The following NAV3 variants were observed in gnomAD, a reference collection of about 807,000 sequenced individuals.
The protein encoded by NAV3 is neuron navigator 3, also known as pore membrane and/or filament interacting like protein 1.
In NAV3, 87 loss-of-function variants were observed where a neutral mutation model predicts 244.7. That is an observed-to-expected ratio of 0.36 (90% CI 0.30 to 0.42). The LOEUF (loss-of-function observed/expected upper bound fraction) is 0.42, where lower values mean the gene tolerates loss of function less well. NAV3 is among the 20% of genes least tolerant of loss of function. The pLI is 1.00. For synonymous variants in NAV3, 1,126 were observed against 1,042.2 expected, an observed-to-expected ratio of 1.08 and a Z score of -1.55; for missense variants, 2,663 against 2,893.3, an observed-to-expected ratio of 0.92 and a Z score of 1.83.
At chr12:78,173,825 G>GAT (rs1958107065) in intron 24 of NAV3, among the ~76,000 whole-genome samples, 1 of 150,800 alleles carries the variant, frequency 6.6e-6, no homozygotes, top group African/African-American at 2.4e-5. Flanking sequence ...GGGACTTATT[G>GAT]ATATATATGT....
intron 2 of NAV3, among the ~76,000 whole-genome samples, chr12:77,648,250 A>G (rs1246125560): frequency 6.6e-6 from 1 of 152,104 alleles, no homozygotes; most frequent in Non-Finnish European, 1.5e-5. Flanking sequence ...GAATTGTGCT[A>G]TAATTCTGCT....
intron 2 of NAV3, among the ~76,000 whole-genome samples, chr12:77,776,571 A>C (rs1870367997): frequency 6.6e-6 from 1 of 152,230 alleles, no homozygotes; most frequent in Non-Finnish European, 1.5e-5. Flanking sequence ...GGACGATCTT[A>C]TGAAGATCTG....
At chr12:77,812,210 C>G (rs899141897) in intron 2 of NAV3, among the ~76,000 whole-genome samples, 1 of 152,114 alleles carries the variant, frequency 6.6e-6, no homozygotes, top group Non-Finnish European at 1.5e-5. Flanking sequence ...CTTCAACTGA[C>G]CTTATGCCCT....
intron 5 of NAV3, among the ~76,000 whole-genome samples, chr12:77,991,996 A>C (rs532077942): frequency 3.9e-5 from 6 of 151,976 alleles, no homozygotes; most frequent in Non-Finnish European, 8.8e-5. Context: ...ACGCCACTGC[A>C]CTGGGTGACA....
intron 7 of NAV3, among the ~76,000 whole-genome samples, chr12:77,998,845 G>T (rs898371046): frequency 6.6e-6 from 1 of 152,084 alleles, no homozygotes; most frequent in Non-Finnish European, 1.5e-5. Context: ...GTTAAGGTAA[G>T]AGCCATAAGT....
chr12:77,583,330 G>A (rs1180773886), intron 2 of NAV3, among the ~76,000 whole-genome samples: 1 of 152,096 alleles, frequency 6.6e-6, no homozygotes, highest in African/African-American at 2.4e-5. Flanking sequence ...AGTAAGTAAG[G>A]CCTCCATCTT....
At chr12:77,820,139 TAAAAA>T (rs1183686149) in intron 2 of NAV3, among the ~76,000 whole-genome samples, 1 of 151,970 alleles carries the variant, frequency 6.6e-6, no homozygotes, top group Non-Finnish European at 1.5e-5. Flanking sequence ...AAGAAGCAGA[TAAAAA>T]AGGAAAGGAA....
At chr12:77,953,933 C>A (rs894702195) in intron 3 of NAV3, among the ~76,000 whole-genome samples, 14 of 152,090 alleles carry the variant, frequency 9.2e-5, no homozygotes, top group African/African-American at 3.4e-4. Flanking sequence ...AATTTAACTT[C>A]TCACAGTACT....
chr12:78,119,130 G>A (rs1450492740), intron 14 of NAV3, 107 bp from the exon 15 acceptor site: 2 of 1,123,392 alleles, frequency 1.8e-6, no homozygotes, highest in Non-Finnish European at 2.6e-6. Context: ...ATACATTTAG[G>A]AAGGGAAATA....
chr12:77,932,374 TG>T (rs756328860), intron 1 of NAV3, among the ~76,000 whole-genome samples: 38 of 152,262 alleles, frequency 2.5e-4, no homozygotes, highest in Non-Finnish European at 5.0e-4. Context: ...TGAGCCATTC[TG>T]GGGGTCTGTG....
At chr12:77,581,236 T>C (rs117625338) in intron 2 of NAV3, among the ~76,000 whole-genome samples, 1 of 152,226 alleles carries the variant, frequency 6.6e-6, no homozygotes, top group Non-Finnish European at 1.5e-5. Context: ...TTTTTTTCCT[T>C]AAGTATTTTA....
chr12:77,664,971 G>T (rs1873649807), intron 2 of NAV3, among the ~76,000 whole-genome samples: 1 of 152,120 alleles, frequency 6.6e-6, no homozygotes, highest in African/African-American at 2.4e-5. Context: ...AGTTGCAGTG[G>T]CTATTCCTGC....
intron 2 of NAV3, among the ~76,000 whole-genome samples, chr12:77,808,416 CCTG>C (rs1330938210): frequency 6.6e-6 from 1 of 152,106 alleles, no homozygotes; most frequent in African/African-American, 2.4e-5. Flanking sequence ...TGTTAGTTTT[CCTG>C]CTAACAGGCC....
chr12:77,793,786 A>G (rs1024753129), intron 2 of NAV3, among the ~76,000 whole-genome samples: 2 of 152,196 alleles, frequency 1.3e-5, no homozygotes, highest in Admixed American at 1.3e-4. Context: ...ATAAACATAC[A>G]TGTGCATGTG....
chr12:77,966,757 A>T (rs1235742404), intron 4 of NAV3, among the ~76,000 whole-genome samples: 1 of 152,078 alleles, frequency 6.6e-6, no homozygotes, highest in Non-Finnish European at 1.5e-5. Context: ...GTCACTATGA[A>T]GTCTTAAATA....
chr12:77,841,095 A>G (rs769457179), intron 1 of NAV3, among the ~76,000 whole-genome samples: 3 of 152,182 alleles, frequency 2.0e-5, no homozygotes, highest in Non-Finnish European at 4.4e-5. Context: ...GAAATTTGAT[A>G]TCTGTGGTAG....
At chr12:78,045,217 G>C (rs960228906) in intron 9 of NAV3, among the ~76,000 whole-genome samples, 3 of 152,106 alleles carry the variant, frequency 2.0e-5, no homozygotes, top group Non-Finnish European at 4.4e-5. Flanking sequence ...TTCTCTTTAT[G>C]TGATGGATTA....
At chr12:77,943,419 A>G (rs1028314123) in intron 3 of NAV3, among the ~76,000 whole-genome samples, 8 of 152,190 alleles carry the variant, frequency 5.3e-5, no homozygotes, top group African/African-American at 1.9e-4. Context: ...TTTCTTTAAG[A>G]TGTGGTTGAA....
chr12:77,963,427 A>G (rs1326855933), intron 3 of NAV3, among the ~76,000 whole-genome samples: 1 of 152,204 alleles, frequency 6.6e-6, no homozygotes, highest in Non-Finnish European at 1.5e-5. Flanking sequence ...TGTAAAATGT[A>G]TAGCCTAGTA....
Sources: gnomAD v4.1 joint callset for allele counts (sites outside exome capture counted in the v4.1 genomes callset) on GRCh38, gnomAD v4.1.1 for gene constraint, MANE v1.5 for transcripts, NCBI Gene and HGNC (gene_info 2026-07-23, HGNC 2026-07-21) for gene names.